Variants in RBFOX1 observed in about 807,000 individuals in gnomAD.
RBFOX1 encodes the protein RNA binding fox-1 homolog 1, also known as RNA binding protein fox-1 homolog 1.
In RBFOX1, 8 loss-of-function variants were observed where a neutral mutation model predicts 57.7. The ratio of observed to expected loss-of-function variants is 0.14; its 90% confidence interval spans 0.08 to 0.25. The LOEUF is 0.25. Among genes scored for constraint, RBFOX1 ranks in the 10% least tolerant of loss-of-function variants. The probability of loss-of-function intolerance (pLI) is 1.00; values close to 1 mark genes in which losing one functional copy is unlikely to be tolerated. For missense variants in RBFOX1, 611 were observed against 548.5 expected (o/e 1.11, Z -1.14); for synonymous variants, 326 against 222.4 (o/e 1.47, Z -4.15).
At chr16:5,842,275 A>C (rs999386437) in intron 3 of RBFOX1, among the ~76,000 whole-genome samples, 1 of 152,074 alleles carries the variant, frequency 6.6e-6, no homozygotes, top group African/African-American at 2.4e-5. Flanking sequence ...TCATATGAGA[A>C]GTAGTTAAGC....
intron 1 of RBFOX1, among the ~76,000 whole-genome samples, chr16:5,255,979 A>G (rs1251951178): frequency 1.3e-5 from 2 of 152,100 alleles, no homozygotes; most frequent in Non-Finnish European, 2.9e-5. Context: ...AAGATGTCAC[A>G]TTAAAAGTGC....
chr16:5,879,335 C>T (rs1368538375), intron 4 of RBFOX1, among the ~76,000 whole-genome samples: 1 of 152,132 alleles, frequency 6.6e-6, no homozygotes. Flanking sequence ...TAGGTTCTTT[C>T]CAGATCTTGC....
intron 4 of RBFOX1, among the ~76,000 whole-genome samples, chr16:7,275,540 T>C (rs1481014730): frequency 1.3e-5 from 2 of 152,234 alleles, no homozygotes; most frequent in African/African-American, 2.4e-5. Flanking sequence ...GTATTTTTGC[T>C]CTTGCTGCTA....
chr16:7,221,743 T>C (rs2092747903), intron 4 of RBFOX1, among the ~76,000 whole-genome samples: 1 of 152,222 alleles, frequency 6.6e-6, no homozygotes, highest in African/African-American at 2.4e-5. Context: ...TCAGTGTGGT[T>C]ATTCAATGGC....
intron 3 of RBFOX1, among the ~76,000 whole-genome samples, chr16:6,896,640 C>T (rs773080817): frequency 6.6e-6 from 1 of 152,150 alleles, no homozygotes; most frequent in Non-Finnish European, 1.5e-5. Flanking sequence ...ATTTCAAACG[C>T]ACTTAGAACA....
chr16:6,172,394 C>A (rs113475060), intron 1 of RBFOX1, among the ~76,000 whole-genome samples: 1 of 152,152 alleles, frequency 6.6e-6, no homozygotes, highest in Non-Finnish European at 1.5e-5. Context: ...CTTCATCTCT[C>A]GTTTACAGTT....
intron 2 of RBFOX1, among the ~76,000 whole-genome samples, chr16:5,503,357 G>T (rs570431481): frequency 6.6e-6 from 1 of 152,116 alleles, no homozygotes; most frequent in Non-Finnish European, 1.5e-5. Context: ...TCTTCTTTTT[G>T]GAATAGGTTT....
chr16:5,837,636 G>C lies in RBFOX1; in HGVS notation c.319-29667G>C, dbSNP rs2151840093. Among the ~76,000 whole-genome samples the C allele has an allele frequency of 1.3e-5, 2 of 150,274 alleles. 1 individual carries two copies. Among genetic ancestry groups the C allele is most frequent in the South Asian group, 4.2e-4 (2 of 4,736 alleles). On this transcript the variant is annotated intron_variant, in intron 3 of 19. Coordinates refer to the RBFOX1 transcript ENST00000641259. The stretch of plus-strand genomic sequence containing the variant: ...TTTTTTTTTTTCCTGAGAGGTTCCT[G>C]GTCCTCTTTTGCGGGTACAGGCAAC...
chr16:6,710,901 C>T (rs979578317), intron 3 of RBFOX1, among the ~76,000 whole-genome samples: 3 of 152,172 alleles, frequency 2.0e-5, no homozygotes, highest in Admixed American at 6.5e-5. Context: ...TGAGAAGACT[C>T]CTTCTAGAAG....
At chr16:7,342,033 C>G (rs745511010) in intron 4 of RBFOX1, among the ~76,000 whole-genome samples, 1 of 152,046 alleles carries the variant, frequency 6.6e-6, no homozygotes, top group African/African-American at 2.4e-5. Flanking sequence ...ATCACTTGTT[C>G]ATTCCACATT....
intron 3 of RBFOX1, among the ~76,000 whole-genome samples, chr16:6,799,996 C>T (rs2084993913): frequency 1.3e-5 from 2 of 152,160 alleles, no homozygotes; most frequent in Admixed American, 6.5e-5. Context: ...ATATTAAACA[C>T]ATATATCCTA....
chr16:6,856,818 A>G (rs144434735), intron 3 of RBFOX1, among the ~76,000 whole-genome samples: 1,787 of 152,306 alleles, frequency 0.012, 19 homozygotes, highest in Non-Finnish European at 0.019. Flanking sequence ...AAGCATTGCG[A>G]TTGTCAAACC....
chr16:5,508,316 C>A (rs922158124), intron 2 of RBFOX1, among the ~76,000 whole-genome samples: 1 of 152,126 alleles, frequency 6.6e-6, no homozygotes, highest in Admixed American at 6.5e-5. Context: ...TGCTCAGGGG[C>A]CACCCTCAGC....
chr16:7,380,114 T>A (rs1256485957), intron 4 of RBFOX1, among the ~76,000 whole-genome samples: 2 of 152,172 alleles, frequency 1.3e-5, no homozygotes, highest in African/African-American at 4.8e-5. Context: ...GACCTCAGCT[T>A]CCCAAAACAC....
intron 4 of RBFOX1, among the ~76,000 whole-genome samples, chr16:7,449,503 T>C (rs1433115115): frequency 1.3e-5 from 2 of 152,112 alleles, no homozygotes; most frequent in African/African-American, 4.8e-5. Context: ...ATGCAGTAGC[T>C]CTGAGTCATG....
intron 4 of RBFOX1, among the ~76,000 whole-genome samples, chr16:7,447,404 G>T (rs903802909): frequency 6.9e-6 from 1 of 145,628 alleles, no homozygotes; most frequent in Non-Finnish European, 1.5e-5. Context: ...CTGCACTCCA[G>T]GCTGGCCAAC....
intron 5 of RBFOX1, among the ~76,000 whole-genome samples, chr16:7,553,505 T>C (rs756590477): frequency 6.6e-6 from 1 of 152,216 alleles, no homozygotes; most frequent in Non-Finnish European, 1.5e-5. Context: ...CAATTAAAAA[T>C]GAGTGTCAGA....
intron 3 of RBFOX1, among the ~76,000 whole-genome samples, chr16:5,830,234 C>T (rs1383501446): frequency 2.6e-5 from 4 of 152,072 alleles, no homozygotes; most frequent in Admixed American, 2.6e-4. Flanking sequence ...TTAGGAAAAC[C>T]CTCCCTATCT....
At chr16:5,302,254 T>A (rs1050330067) in intron 1 of RBFOX1, among the ~76,000 whole-genome samples, 9 of 152,228 alleles carry the variant, frequency 5.9e-5, no homozygotes, top group African/African-American at 2.2e-4. Flanking sequence ...AGATAACTTA[T>A]TTTTAGTGAC....
Sources: gnomAD v4.1 joint callset for allele counts (sites outside exome capture counted in the v4.1 genomes callset) on GRCh38, gnomAD v4.1.1 for gene constraint, MANE v1.5 for transcripts, NCBI Gene and HGNC (gene_info 2026-07-23, HGNC 2026-07-21) for gene names.